The following LEKR1 variants were observed in gnomAD, a reference collection of about 807,000 sequenced individuals.
LEKR1 encodes the protein protein LEKR1.
A neutral mutation model predicts 72.4 loss-of-function variants in LEKR1; 59 were observed. That is an observed-to-expected ratio of 0.82 (90% CI 0.66 to 1.01). The LOEUF is 1.01. Among genes scored for constraint, LEKR1 ranks in the 50% least tolerant of loss-of-function variants. The pLI, the probability that LEKR1 is intolerant of heterozygous loss-of-function variation, is 0.00. For synonymous variants in LEKR1, 257 were observed against 263.2 expected (o/e 0.98, Z 0.23); for missense variants, 728 against 759.2 (o/e 0.96, Z 0.48).
At chr3:156,838,897 C>T (rs910284189) in intron 2 of LEKR1, among the ~76,000 whole-genome samples, 12 of 152,232 alleles carry the variant, frequency 7.9e-5, no homozygotes, top group African/African-American at 2.9e-4. Context: ...CCACTGAGAC[C>T]AAGCCATTGC....
In LEKR1 at chr3:157,045,623, CG is replaced by C. The variant is rs758867025; in HGVS notation, c.1953del (p.Lys652ArgfsTer45). 1 of 1,614,134 alleles carries C rather than the reference CG, an allele frequency of 6.2e-7. No individual in the cohort carries two copies. Reference sequence around the variant, plus strand: ...ACCACTTTCCCAACCTCAGATAAGCCGAAGAGGGTTAGATCAGGCGTGCCCA... The same window carrying C: ...ACCACTTTCCCAACCTCAGATAAGCCAAGAGGGTTAGATCAGGCGTGCCCA... ...KPTTFPTSDK[P>X]KRVRSGVPIL... On this transcript the variant is annotated frameshift_variant, in exon 13 of 13. Transcript: ENST00000356539. LOFTEE classifies it low-confidence loss of function (END_TRUNC).
intron 3 of LEKR1, among the ~76,000 whole-genome samples, chr3:156,886,928 C>G (rs1040725213): frequency 6.6e-6 from 1 of 152,158 alleles, no homozygotes; most frequent in Admixed American, 6.5e-5. Flanking sequence ...TATGTTCTTG[C>G]AGTAGTTCTT....
At chr3:156,938,974 G>A (rs1725964562) in intron 5 of LEKR1, among the ~76,000 whole-genome samples, 1 of 152,302 alleles carries the variant, frequency 6.6e-6, no homozygotes, top group Admixed American at 6.5e-5. Flanking sequence ...ACTTGCGTTA[G>A]CTAGTGAATT....
intron 8 of LEKR1, 134 bp downstream of exon 8, chr3:156,992,864 C>T (rs192695655): frequency 1.6e-4 from 58 of 370,176 alleles, no homozygotes; most frequent in East Asian, 9.1e-5. Context: ...CTAATTCAAG[C>T]TTATATTATC....
intron 3 of LEKR1, among the ~76,000 whole-genome samples, chr3:156,912,062 T>C (rs1723166447): frequency 6.6e-6 from 1 of 152,132 alleles, no homozygotes; most frequent in Non-Finnish European, 1.5e-5. Flanking sequence ...TTTTGTTAAA[T>C]TGCTTTCCTG....
chr3:156,943,576 G>T (rs1004066563), intron 6 of LEKR1, among the ~76,000 whole-genome samples: 1 of 151,998 alleles, frequency 6.6e-6, no homozygotes, highest in East Asian at 1.9e-4. Flanking sequence ...GGACTTCAAT[G>T]CTCATGCTTG....
chr3:156,844,893 A>T (rs1392893090), intron 2 of LEKR1, among the ~76,000 whole-genome samples: 1 of 139,000 alleles, frequency 7.2e-6, no homozygotes, highest in Non-Finnish European at 1.5e-5. Context: ...GCTATGTTAT[A>T]TAGTAACTAC....
At chr3:157,024,504 T>G (rs1734056635) in intron 10 of LEKR1, among the ~76,000 whole-genome samples, 2 of 152,200 alleles carry the variant, frequency 1.3e-5, no homozygotes, top group Admixed American at 6.6e-5. Context: ...CTTTTAGTAT[T>G]TCTGAAAACT....
intron 2 of LEKR1, among the ~76,000 whole-genome samples, chr3:156,831,757 C>G (rs557853279): frequency 6.6e-6 from 1 of 152,300 alleles, no homozygotes; most frequent in South Asian, 2.1e-4. Context: ...TTATCTCCCA[C>G]CAGGTCCCCC....
At chr3:156,858,345 G>A (rs921176651) in intron 3 of LEKR1, among the ~76,000 whole-genome samples, 1 of 151,972 alleles carries the variant, frequency 6.6e-6, no homozygotes, top group Non-Finnish European at 1.5e-5. Flanking sequence ...CCAGATTTTT[G>A]TTTAAATTAA....
intron 3 of LEKR1, among the ~76,000 whole-genome samples, chr3:156,862,794 C>T (rs1457106601): frequency 6.6e-6 from 1 of 152,040 alleles, no homozygotes; most frequent in East Asian, 1.9e-4. Flanking sequence ...TCTAGCCCAG[C>T]TTTGGTTAAG....
chr3:156,918,644 A>G (rs984234431), intron 3 of LEKR1, among the ~76,000 whole-genome samples: 6 of 152,282 alleles, frequency 3.9e-5, no homozygotes, highest in African/African-American at 1.4e-4. Context: ...TCAGGTGGCA[A>G]TTATATGTAG....
chr3:156,950,052 A>G (rs1727012407), intron 6 of LEKR1, among the ~76,000 whole-genome samples: 1 of 151,378 alleles, frequency 6.6e-6, no homozygotes. Context: ...TTTAATAGTT[A>G]CAGAACCTTT....
intron 3 of LEKR1, among the ~76,000 whole-genome samples, chr3:156,895,699 G>A (rs1721111106): frequency 6.6e-6 from 1 of 152,052 alleles, no homozygotes; most frequent in African/African-American, 2.4e-5. Flanking sequence ...TTATTATAAA[G>A]TCAAAAAACA....
intron 5 of LEKR1, among the ~76,000 whole-genome samples, chr3:156,928,624 C>T (rs1378325173): frequency 1.3e-5 from 2 of 151,968 alleles, no homozygotes; most frequent in Non-Finnish European, 2.9e-5. Context: ...GCAACCTCAG[C>T]CTCTGAGAAG....
rs1206034237 is a variant in LEKR1 at position 156,899,289 on chromosome 3, T to TATATATAC, written c.264-21274_264-21267dup. Among the ~76,000 whole-genome samples, 27 of 146,476 alleles carry TATATATAC rather than the reference T, an allele frequency of 1.8e-4. 1 individual carries two copies. The highest frequency in any genetic ancestry group is 6.8e-4 in the African/African-American group (27 of 39,980). On this transcript the variant is annotated intron_variant, in intron 3 of 12. Transcript: ENST00000356539. ...ATACACACATGTATATATATACATG[T>TATATATAC]ATATATACATATATACATACACACA... is the stretch of plus-strand genomic sequence containing the variant.
chr3:157,022,590 A>G (rs866770255), intron 10 of LEKR1, among the ~76,000 whole-genome samples: 1 of 152,090 alleles, frequency 6.6e-6, no homozygotes, highest in Admixed American at 6.6e-5. Flanking sequence ...TGGATGGTAG[A>G]GCTGTGTCCT....
chr3:157,007,568 C>G (rs1169519813), intron 9 of LEKR1, among the ~76,000 whole-genome samples: 1 of 152,192 alleles, frequency 6.6e-6, no homozygotes, highest in Non-Finnish European at 1.5e-5. Flanking sequence ...CTATCCACAC[C>G]TGATTGCTAT....
At chr3:156,908,180 T>C (rs1722719547) in intron 3 of LEKR1, among the ~76,000 whole-genome samples, 1 of 152,222 alleles carries the variant, frequency 6.6e-6, no homozygotes. Flanking sequence ...TGGTATTTGC[T>C]AGGTTCCTTC....
Sources: allele counts gnomAD v4.1 joint callset (sites outside exome capture counted in the v4.1 genomes callset), GRCh38; gene constraint gnomAD v4.1.1; transcripts MANE v1.5; gene names NCBI Gene and HGNC (gene_info 2026-07-23, HGNC 2026-07-21).